ATP11C: variants seen among roughly 807,000 people sequenced by gnomAD.
The protein encoded by ATP11C is ATPase phospholipid transporting 11C (ATP11C blood group), also known as phospholipid-transporting ATPase IG.
Under a neutral mutation model 97.4 loss-of-function variants are expected in ATP11C, and 36 were observed. The ratio of observed to expected loss-of-function variants is 0.37; its 90% CI spans 0.28 to 0.49. The LOEUF is 0.49. Ranked by LOEUF, ATP11C falls within the 20% of genes least tolerant of loss-of-function variation. ATP11C has a pLI of 0.98. For missense variants in ATP11C, 730 were observed against 824.6 expected (o/e 0.89, Z 1.40); for synonymous variants, 275 against 290.9 (o/e 0.95, Z 0.56).
chrX:139,860,506 A>T (rs1430694801), intron 1 of ATP11C, among the ~76,000 whole-genome samples: 5 of 111,872 alleles, frequency 4.5e-5, no homozygotes, highest in African/African-American at 1.3e-4. Flanking sequence ...TGAGGTTCGA[A>T]ATGTGTTACT....
At chrX:139,922,409 T>C (rs776901272) in intron 1 of ATP11C, among the ~76,000 whole-genome samples, 13 of 106,794 alleles carry the variant, frequency 1.2e-4, no homozygotes, top group Non-Finnish European at 1.5e-4. Flanking sequence ...AAAATCAAAA[T>C]TACTACAGCA....
chrX:139,906,506 G>A (rs1468269965), intron 1 of ATP11C, among the ~76,000 whole-genome samples: 2 of 109,988 alleles, frequency 1.8e-5, no homozygotes, highest in Admixed American at 9.8e-5. Context: ...TTCATTGGCC[G>A]GGCATGGTGG....
At chrX:139,890,363 T>C (rs2034937848) in intron 1 of ATP11C, among the ~76,000 whole-genome samples, 1 of 110,896 alleles carries the variant, frequency 9.0e-6, no homozygotes, top group African/African-American at 3.3e-5. Context: ...AGACCTCATC[T>C]CTACAAAAAA....
intron 24 of ATP11C, among the ~76,000 whole-genome samples, chrX:139,749,174 T>A (rs2081756165): frequency 8.9e-6 from 1 of 111,889 alleles, no homozygotes; most frequent in Admixed American, 9.5e-5. Flanking sequence ...TAGCATTCTC[T>A]CTACTTTTAT....
intron 26 of ATP11C, among the ~76,000 whole-genome samples, chrX:139,742,568 A>C (rs1415543254): frequency 9.0e-6 from 1 of 111,061 alleles, no homozygotes; most frequent in Admixed American, 9.6e-5. Flanking sequence ...GCCAGAATTC[A>C]TTTAAAGGTA....
At chrX:139,760,712 C>T (rs914079285) in intron 22 of ATP11C, among the ~76,000 whole-genome samples, 9 of 111,268 alleles carry the variant, frequency 8.1e-5, no homozygotes, top group East Asian at 5.7e-4. Context: ...GGTGATAAAA[C>T]GGAAACCAAG....
chrX:139,818,418 G>T (rs2083332853), intron 3 of ATP11C, among the ~76,000 whole-genome samples: 1 of 111,680 alleles, frequency 9.0e-6, no homozygotes, highest in South Asian at 3.7e-4. Context: ...TTGCTGAACT[G>T]AAATGAAATG....
intron 1 of ATP11C, among the ~76,000 whole-genome samples, chrX:139,899,761 C>A (rs929643525): frequency 2.7e-5 from 3 of 111,323 alleles, no homozygotes; most frequent in Non-Finnish European, 5.6e-5. Context: ...AAAAAGATTT[C>A]TTGGTTATCT....
intron 1 of ATP11C, among the ~76,000 whole-genome samples, chrX:139,888,483 C>G (rs969263120): frequency 9.0e-6 from 1 of 111,246 alleles, no homozygotes; most frequent in African/African-American, 3.3e-5. Flanking sequence ...TGTTAAGACA[C>G]TTGTTCAAAA....
intron 1 of ATP11C, among the ~76,000 whole-genome samples, chrX:139,831,120 T>C (rs767888988): frequency 8.9e-6 from 1 of 111,797 alleles, no homozygotes; most frequent in South Asian, 3.7e-4. Flanking sequence ...ACTTTTCAGA[T>C]TTTGCTTTTA....
intron 1 of ATP11C, among the ~76,000 whole-genome samples, chrX:139,881,951 G>A (rs2084567961): frequency 9.0e-6 from 1 of 111,552 alleles, no homozygotes; most frequent in African/African-American, 3.3e-5. Flanking sequence ...TGACAGCTTT[G>A]GGGGAAGATA....
intron 28 of ATP11C, among the ~76,000 whole-genome samples, chrX:139,736,692 C>G (rs940718242): frequency 5.4e-5 from 6 of 111,374 alleles, no homozygotes; most frequent in African/African-American, 2.0e-4. Flanking sequence ...GCAGTTGTAA[C>G]TAAGCTAACA....
intron 1 of ATP11C, among the ~76,000 whole-genome samples, chrX:139,865,446 A>G (rs966435499): frequency 8.9e-6 from 1 of 112,174 alleles, no homozygotes; most frequent in Admixed American, 9.4e-5. Context: ...TAATTATCAA[A>G]AATCCAAAAC....
At chrX:139,846,050 G>A (rs928093944) in intron 1 of ATP11C, among the ~76,000 whole-genome samples, 1 of 111,790 alleles carries the variant, frequency 8.9e-6, no homozygotes, top group Non-Finnish European at 1.9e-5. Flanking sequence ...AAATAAGTCT[G>A]ACTTATACGT....
intron 1 of ATP11C, among the ~76,000 whole-genome samples, chrX:139,895,919 C>T (rs1012266344): frequency 3.6e-5 from 4 of 110,965 alleles, no homozygotes; most frequent in African/African-American, 1.3e-4. Context: ...AAGCTGTCCG[C>T]CCGCCTCAGC....
At chrX:139,731,834 T>G (rs945348749) in intron 28 of ATP11C, 79 bp from the exon 29 acceptor site, 14 of 609,000 alleles carry the variant, frequency 2.3e-5, no homozygotes, top group Non-Finnish European at 3.1e-5. Context: ...TAAAAAAAGG[T>G]AAAAGAAAAA....
intron 1 of ATP11C, among the ~76,000 whole-genome samples, chrX:139,827,694 T>C (rs1044248963): frequency 4.5e-5 from 5 of 111,604 alleles, no homozygotes; most frequent in Non-Finnish European, 9.4e-5. Flanking sequence ...ATTTATATAT[T>C]CCCATTATTT....
chrX:139,891,576 C>T (rs779388505), intron 1 of ATP11C, among the ~76,000 whole-genome samples: 1 of 111,583 alleles, frequency 9.0e-6, no homozygotes, highest in Admixed American at 9.6e-5. Context: ...AACTGGAATG[C>T]TCTCTCTCAC....
chrX:139,897,045 T>C (rs1011109421), intron 1 of ATP11C, among the ~76,000 whole-genome samples: 5 of 108,969 alleles, frequency 4.6e-5, no homozygotes, highest in African/African-American at 1.3e-4. Context: ...CTGGGCAAAA[T>C]GGTGACATCA....
Sources: allele counts gnomAD v4.1 joint callset (sites outside exome capture counted in the v4.1 genomes callset), GRCh38; gene constraint gnomAD v4.1.1; transcripts MANE v1.5; gene names NCBI Gene and HGNC (gene_info 2026-07-23, HGNC 2026-07-21).